NRCAM: variants seen among roughly 807,000 people sequenced by gnomAD.
The protein encoded by NRCAM is NgCAM-related cell adhesion molecule.
In NRCAM, 83 loss-of-function variants were observed where a neutral mutation model predicts 156.5. The observed-to-expected ratio is 0.53, with a 90% confidence interval of 0.44 to 0.64. NRCAM has a LOEUF of 0.64. Ranked by LOEUF, NRCAM falls within the 30% of genes least tolerant of loss-of-function variation. The pLI is 0.00. For synonymous variants in NRCAM, 538 were observed against 563.9 expected (o/e 0.95, Z 0.65); for missense variants, 1,417 against 1,597.3 (o/e 0.89, Z 1.92).
chr7:108,278,363 A>G (rs2097723409), intron 3 of NRCAM, among the ~76,000 whole-genome samples: 3 of 152,208 alleles, frequency 2.0e-5, no homozygotes, highest in African/African-American at 7.2e-5. Flanking sequence ...CTAGAGAGGC[A>G]GTAAGCCTTG....
chr7:108,249,765 G>A (rs1008516662), intron 3 of NRCAM, among the ~76,000 whole-genome samples: 3 of 152,160 alleles, frequency 2.0e-5, no homozygotes, highest in African/African-American at 7.2e-5. Flanking sequence ...TGCTGTCTCT[G>A]CTCAATTCTG....
At chr7:108,284,997 C>T (rs182521633) in intron 3 of NRCAM, among the ~76,000 whole-genome samples, 1 of 152,344 alleles carries the variant, frequency 6.6e-6, no homozygotes, top group East Asian at 1.9e-4. Flanking sequence ...GCAATGTGAA[C>T]AACAGACGGG....
Position 108,170,174 on chromosome 7 carries a change from A to C in NRCAM, c.3188-1772T>G, listed in dbSNP as rs193021231. On this transcript the variant is annotated intron_variant, in intron 28 of 32. Coordinates refer to ENST00000379028, the MANE Select transcript of NRCAM (RefSeq NM_001037132.4). ...CAGATGAATGGATAAAGAAATTACC[A>C]TATATATATATATTTACACAATGGA... is the stretch of plus-strand genomic sequence containing the variant. Among the ~76,000 whole-genome samples the C allele has an allele frequency of 3.9e-4, 59 of 151,054 alleles. No individual in the cohort carries two copies. In the East Asian group the frequency reaches 0.01, roughly 26 times the overall value.
intron 3 of NRCAM, among the ~76,000 whole-genome samples, chr7:108,296,294 C>T (rs1164644050): frequency 6.6e-6 from 1 of 152,136 alleles, no homozygotes; most frequent in Non-Finnish European, 1.5e-5. Context: ...CAGGTACTGG[C>T]CTTTACCCCT....
rs1420838406 is a variant in NRCAM at position 108,168,110 on chromosome 7, A to G, written c.3313+167T>C. On this transcript the variant is annotated intron_variant, in intron 29 of 32. Transcript: ENST00000379028. ...AAAGCAATTCCTAGTCGTGCATATA[A>G]TATGTGGTAGGCTGATGGTTCACTA... 2.6e-5 allele frequency among the ~76,000 whole-genome samples: 4 copies of G among 152,208 alleles called. No homozygotes were observed. In the East Asian group the frequency reaches 7.7e-4, roughly 29 times the overall value.
At chr7:108,190,547 C>T (rs423193) in intron 19 of NRCAM, among the ~76,000 whole-genome samples, 104,246 of 152,000 alleles carry the variant, frequency 0.69, 37,540 homozygotes, top group East Asian at 0.96. Context: ...GATAATTAGA[C>T]ACAATATTAA....
intron 32 of NRCAM, chr7:108,150,860 G>A (rs896279428): frequency 9.9e-6 from 4 of 402,270 alleles, no homozygotes; most frequent in South Asian, 3.9e-5. Context: ...GGAAAGAGAC[G>A]CACTTTAACT....
At chr7:108,412,637 T>C (rs190169165) in intron 1 of NRCAM, among the ~76,000 whole-genome samples, 17 of 152,290 alleles carry the variant, frequency 1.1e-4, no homozygotes, top group East Asian at 1.9e-4. Flanking sequence ...ATAACAGATC[T>C]CTTGAATTTA....
intron 4 of NRCAM, among the ~76,000 whole-genome samples, chr7:108,239,434 G>A (rs1168956816): frequency 6.6e-6 from 1 of 152,106 alleles, no homozygotes; most frequent in Non-Finnish European, 1.5e-5. Flanking sequence ...AGTGAGATGC[G>A]CCTTGTCTGA....
In NRCAM at chr7:108,216,380, A is replaced by T. The variant is rs140993881; in HGVS notation, c.891-6775T>A. Among the ~76,000 whole-genome samples, 872 of 152,090 alleles carry T rather than the reference A, an allele frequency of 5.7e-3. 10 individuals carry two copies. Among genetic ancestry groups the T allele is most frequent in the African/African-American group, 0.02 (838 of 41,450 alleles). The stretch of plus-strand genomic sequence containing the variant: ...CATTGCAACCTTGGTGAATCTGATG[A>T]TTATTTGTCTTGGGGTTGCTCTTCT... On this transcript the variant is annotated intron_variant, in intron 11 of 32. Coordinates refer to ENST00000379028, the MANE Select transcript of NRCAM (RefSeq NM_001037132.4).
intron 1 of NRCAM, among the ~76,000 whole-genome samples, chr7:108,422,459 T>A (rs768249094): frequency 6.6e-6 from 1 of 152,158 alleles, no homozygotes; most frequent in African/African-American, 2.4e-5. Flanking sequence ...ACTTACTGTA[T>A]CCCTTTGGCC....
chr7:108,407,522 C>T lies in NRCAM; in HGVS notation c.-331-7929G>A, dbSNP rs114718093. 1.9e-3 allele frequency among the ~76,000 whole-genome samples: 284 copies of T among 152,312 alleles called. 4 individuals carry two copies. Among genetic ancestry groups the T allele is most frequent in the African/African-American group, 6.1e-3 (252 of 41,564 alleles). On this transcript the variant is annotated intron_variant, in intron 1 of 32. Coordinates refer to ENST00000379028, the MANE Select transcript of NRCAM (RefSeq NM_001037132.4). Reference sequence around the variant, plus strand: ...AACCGAGAGTATTTCAGGCCAAGTACCTGCTCAGAGCACAGCCAGCCCAAA... The same window carrying T: ...AACCGAGAGTATTTCAGGCCAAGTATCTGCTCAGAGCACAGCCAGCCCAAA...
intron 2 of NRCAM, among the ~76,000 whole-genome samples, chr7:108,370,163 T>C (rs2099619327): frequency 6.6e-6 from 1 of 152,146 alleles, no homozygotes; most frequent in South Asian, 2.1e-4. Context: ...GCCCCAGAGA[T>C]ATGATGTAAC....
At chr7:108,159,734 G>A (rs960561868) in intron 31 of NRCAM, among the ~76,000 whole-genome samples, 193 bp from the exon 32 acceptor site, 2 of 152,052 alleles carry the variant, frequency 1.3e-5, no homozygotes, top group African/African-American at 4.8e-5. Context: ...CCAATAGAAT[G>A]TACATTTTTT....
intron 10 of NRCAM, 135 bp downstream of exon 10, chr7:108,225,510 C>T (rs533255454): frequency 2.3e-5 from 16 of 705,792 alleles, no homozygotes; most frequent in South Asian, 1.3e-4. Context: ...AAGAAACATA[C>T]ATTTATACTA....
intron 20 of NRCAM, among the ~76,000 whole-genome samples, chr7:108,188,598 G>A (rs1240398371): frequency 6.6e-6 from 1 of 151,456 alleles, no homozygotes; most frequent in Non-Finnish European, 1.5e-5. Flanking sequence ...ATGAATGAAA[G>A]AGTAGAAATG....
intron 1 of NRCAM, among the ~76,000 whole-genome samples, chr7:108,450,799 A>G (rs927487312): frequency 4.6e-5 from 7 of 152,246 alleles, no homozygotes; most frequent in Non-Finnish European, 1.0e-4. Context: ...TGCTTTGCAC[A>G]AAGTATGTAA....
At position 108,406,143 on chromosome 7, in the gene NRCAM, AG is replaced by A. The variant is rs546095215; in HGVS notation, c.-331-6551del. ...ACTGTGAACAACAAATAAAGGGCTTAGGTGGTCCAAAGGAGACAGAAAATAC... is the reference window on the plus strand; with the variant it reads ...ACTGTGAACAACAAATAAAGGGCTTAGTGGTCCAAAGGAGACAGAAAATAC... On this transcript the variant is annotated intron_variant, in intron 1 of 32. Coordinates refer to ENST00000379028, the MANE Select transcript of NRCAM (RefSeq NM_001037132.4). Among the ~76,000 whole-genome samples, 39 of 152,202 alleles carry A rather than the reference AG, an allele frequency of 2.6e-4. No homozygotes were observed. The South Asian group carries it at 8.1e-3, about 32-fold the overall frequency.
chr7:108,400,412 T>C (rs1462364511), intron 1 of NRCAM, among the ~76,000 whole-genome samples: 1 of 152,202 alleles, frequency 6.6e-6, no homozygotes, highest in Non-Finnish European at 1.5e-5. Context: ...GCTTGCTAAG[T>C]GCTTCTCAAC....
Sources: gnomAD v4.1 joint callset for allele counts (sites outside exome capture counted in the v4.1 genomes callset) on GRCh38, gnomAD v4.1.1 for gene constraint, MANE v1.5 for transcripts, NCBI Gene and HGNC (gene_info 2026-07-23, HGNC 2026-07-21) for gene names.